The following FBXO15 variants were observed in gnomAD, a reference collection of about 807,000 sequenced individuals.
FBXO15 encodes the protein F-box protein 15.
FBXO15 carries 30 observed loss-of-function variants against 49.5 expected under a neutral mutation model. That is an observed-to-expected ratio of 0.61 (90% CI 0.45 to 0.82). The LOEUF (loss-of-function observed/expected upper bound fraction) is 0.82, where lower values mean the gene tolerates loss of function less well. Ranked by LOEUF, FBXO15 falls within the 40% of genes least tolerant of loss-of-function variation. The pLI is 0.00. For synonymous variants in FBXO15, 250 were observed against 232.7 expected, an observed-to-expected ratio of 1.07 and a Z score of -0.68; for missense variants, 591 against 631.5, an observed-to-expected ratio of 0.94 and a Z score of 0.69.
At chr18:74,109,372 C>T (rs1184827681) in intron 8 of FBXO15, among the ~76,000 whole-genome samples, 3 of 152,216 alleles carry the variant, frequency 2.0e-5, no homozygotes, top group African/African-American at 7.2e-5. Flanking sequence ...TGCTTTTACA[C>T]TGTTGGTGGG....
chr18:74,125,828 G>A (rs897509627), intron 6 of FBXO15, 147 bp downstream of exon 6: 17 of 1,120,004 alleles, frequency 1.5e-5, no homozygotes, highest in Non-Finnish European at 2.1e-5. Flanking sequence ...ATGTTAGCTT[G>A]AAAAAATGAA....
intron 8 of FBXO15, among the ~76,000 whole-genome samples, chr18:74,103,216 C>G (rs1913601840): frequency 6.6e-6 from 1 of 151,824 alleles, no homozygotes; most frequent in African/African-American, 2.4e-5. Context: ...CTAATGAATA[C>G]TTTTGCTGAA....
chr18:74,095,102 G>A (rs1913218917), intron 8 of FBXO15, among the ~76,000 whole-genome samples: 1 of 152,228 alleles, frequency 6.6e-6, no homozygotes, highest in South Asian at 2.1e-4. Flanking sequence ...AAGGGAGTTA[G>A]GTCCTTGCTC....
intron 8 of FBXO15, among the ~76,000 whole-genome samples, chr18:74,104,230 T>C (rs1340032744): frequency 6.6e-6 from 1 of 152,144 alleles, no homozygotes; most frequent in Non-Finnish European, 1.5e-5. Flanking sequence ...AATAACTTGT[T>C]ATATCTATAA....
intron 8 of FBXO15, among the ~76,000 whole-genome samples, chr18:74,105,436 T>C (rs978169465): frequency 3.9e-5 from 6 of 152,024 alleles, no homozygotes; most frequent in African/African-American, 1.4e-4. Flanking sequence ...TTAAAAAAAT[T>C]ATTTCCCAAA....
At chr18:74,107,262 A>G (rs1913811355) in intron 8 of FBXO15, among the ~76,000 whole-genome samples, 1 of 151,836 alleles carries the variant, frequency 6.6e-6, no homozygotes, top group African/African-American at 2.4e-5. Flanking sequence ...CATTATATTC[A>G]GTGAAATAAC....
At chr18:74,147,486 T>C (rs377299466) in intron 1 of FBXO15, 184 bp downstream of exon 1, 3 of 1,230,010 alleles carry the variant, frequency 2.4e-6, no homozygotes, top group Non-Finnish European at 1.0e-6. Flanking sequence ...TGTCATAACT[T>C]AGGGTACCCC....
chr18:74,095,821 G>A (rs1289701776), intron 8 of FBXO15, among the ~76,000 whole-genome samples: 1 of 152,112 alleles, frequency 6.6e-6, no homozygotes, highest in African/African-American at 2.4e-5. Context: ...ATCCAACATG[G>A]TAGCACAGAA....
rs1488944287 is a variant in FBXO15, at chr18:74,130,540, C to A, written c.451G>T (p.Ala151Ser). Reference protein sequence around the residue: ...MSFLSVQDKEAGYWKKEYITK... With the variant: ...MSFLSVQDKESGYWKKEYITK... Reference sequence around the variant, plus strand: ...ATATATTCTTTCTTCCAATAACCAGCTTCTTTATCCTGAACTGACAGAAAG... The same window carrying A: ...ATATATTCTTTCTTCCAATAACCAGATTCTTTATCCTGAACTGACAGAAAG... Residue 151 changes from alanine to serine, a missense_variant, in exon 4 of 10, where the codon GCT (alanine) becomes TCT (serine). Ala to Ser is a moderately conservative substitution (Grantham distance 99). Transcript: ENST00000419743. 6.2e-7 allele frequency: 1 copy of A among 1,614,122 alleles called. No individual in the cohort carries two copies. Among genetic ancestry groups the A allele is most frequent in the Admixed American group, 1.7e-5 (1 of 60,022 alleles).
At chr18:74,086,775 G>T (rs1912759473) in intron 8 of FBXO15, among the ~76,000 whole-genome samples, 2 of 152,156 alleles carry the variant, frequency 1.3e-5, no homozygotes, top group South Asian at 4.1e-4. Context: ...ATAGGATATA[G>T]AGCACATCTA....
At chr18:74,144,672 A>T (rs1979296112) in intron 1 of FBXO15, among the ~76,000 whole-genome samples, 1 of 152,198 alleles carries the variant, frequency 6.6e-6, no homozygotes, top group African/African-American at 2.4e-5. Flanking sequence ...TTGTCCTATC[A>T]TAAAAATGTA....
At chr18:74,079,324 A>C (rs1043456948) in intron 9 of FBXO15, among the ~76,000 whole-genome samples, 4 of 152,228 alleles carry the variant, frequency 2.6e-5, no homozygotes, top group Admixed American at 2.6e-4. Context: ...AGGGTAGCCT[A>C]GCTGTTTCAA....
At chr18:74,136,821 G>A (rs1313269902) in intron 2 of FBXO15, among the ~76,000 whole-genome samples, 2 of 152,194 alleles carry the variant, frequency 1.3e-5, no homozygotes, top group Non-Finnish European at 2.9e-5. Flanking sequence ...CGGCAACAGA[G>A]CTACCACAGA....
intron 3 of FBXO15, 41 bp from the exon 4 acceptor site, chr18:74,130,699 T>C: frequency 6.3e-7 from 1 of 1,579,034 alleles, no homozygotes; most frequent in Non-Finnish European, 8.6e-7. Context: ...AGAGACACTG[T>C]CACCTACCTT....
intron 8 of FBXO15, among the ~76,000 whole-genome samples, chr18:74,119,615 G>A (rs1439439081): frequency 6.6e-6 from 1 of 152,078 alleles, no homozygotes; most frequent in Non-Finnish European, 1.5e-5. Context: ...ATGACCCCCA[G>A]GACCCACGCT....
At chr18:74,113,414 A>G (rs1038611910) in intron 8 of FBXO15, among the ~76,000 whole-genome samples, 1 of 152,110 alleles carries the variant, frequency 6.6e-6, no homozygotes, top group Non-Finnish European at 1.5e-5. Context: ...AATATATAAC[A>G]CCAAGAGTAA....
At chr18:74,089,347 A>G (rs1311070382) in intron 8 of FBXO15, among the ~76,000 whole-genome samples, 5 of 152,162 alleles carry the variant, frequency 3.3e-5, no homozygotes, top group Admixed American at 2.6e-4. Context: ...AGCAGAGACT[A>G]TGGGGGGTTT....
At chr18:74,099,259 G>C (rs1004840586) in intron 8 of FBXO15, 2 of 152,166 alleles carry the variant, frequency 1.3e-5, no homozygotes, top group Admixed American at 6.6e-5. Context: ...GAAGGGATTG[G>C]GGCCCTATGT....
Position 74,129,541 on chromosome 18 carries a change from G to T in FBXO15, c.649C>A (p.Leu217Ile). The T allele has an allele frequency of 6.2e-7, 1 of 1,613,002 alleles. No homozygotes were observed. The highest frequency in any genetic ancestry group is 8.5e-7 in the Non-Finnish European group (1 of 1,179,832). The change falls in exon 5 of 10, where the codon CTT becomes ATT. Residue 217 changes from leucine to isoleucine, a missense_variant. Coordinates refer to ENST00000419743, the MANE Select transcript of FBXO15 (RefSeq NM_001142958.2). Reference sequence around the variant, plus strand: ...GTAACTGATGTGTCATTTATGGAAAGATCAACATGCTCCATGATATATTCT... The same window carrying T: ...GTAACTGATGTGTCATTTATGGAAATATCAACATGCTCCATGATATATTCT... The part of the protein sequence containing the change: ...GKEYIMEHVD[L>I]SINDTSVTVI...
Sources: allele counts gnomAD v4.1 joint callset (sites outside exome capture counted in the v4.1 genomes callset), GRCh38; gene constraint gnomAD v4.1.1; transcripts MANE v1.5; gene names NCBI Gene and HGNC (gene_info 2026-07-23, HGNC 2026-07-21).